The following ABTB3 variants were observed in gnomAD, a reference collection of about 807,000 sequenced individuals.
ABTB3 encodes the protein ankyrin repeat and BTB domain containing 3, also known as ankyrin repeat- and BTB/POZ domain-containing protein 3.
the ABTB3 span, chr12:107,657,880 C>T: frequency 1.5e-6 from 1 of 687,458 alleles, no homozygotes; most frequent in Non-Finnish European, 2.5e-6. Context: ...AAGGACTTTC[C>T]ACTGGTCTGC....
chr12:107,331,907 C>G, the ABTB3 span, among the ~76,000 whole-genome samples: 9 of 152,240 alleles, frequency 5.9e-5, no homozygotes, highest in Admixed American at 2.0e-4. Flanking sequence ...CACCTCTCCC[C>G]ACCTGGGTCC....
the ABTB3 span, among the ~76,000 whole-genome samples, chr12:107,336,723 A>C: frequency 0.31 from 47,402 of 152,146 alleles, 8,189 homozygotes; most frequent in African/African-American, 0.47. Flanking sequence ...GGCACATAGT[A>C]GGCACTTCAA....
the ABTB3 span, among the ~76,000 whole-genome samples, chr12:107,461,185 C>T: frequency 7.2e-5 from 11 of 152,190 alleles, no homozygotes; most frequent in South Asian, 1.5e-3. Context: ...ACAGTATGGG[C>T]GAACCCACCC....
chr12:107,405,615 C>T, the ABTB3 span, among the ~76,000 whole-genome samples: 875 of 152,370 alleles, frequency 5.7e-3, 4 homozygotes, highest in Non-Finnish European at 9.8e-3. Flanking sequence ...CTTGGAAATC[C>T]TCAAGTCTGG....
At chr12:107,600,523 T>G in the ABTB3 span, among the ~76,000 whole-genome samples, 1 of 152,204 alleles carries the variant, frequency 6.6e-6, no homozygotes, top group South Asian at 2.1e-4. Flanking sequence ...GGAGCCATAG[T>G]GTAACCCAAA....
At chr12:107,393,750 G>A in the ABTB3 span, among the ~76,000 whole-genome samples, 1 of 152,116 alleles carries the variant, frequency 6.6e-6, no homozygotes, top group African/African-American at 2.4e-5. Context: ...CTAACACGGT[G>A]AAACCCCAAC....
At chr12:107,595,640 C>T in the ABTB3 span, among the ~76,000 whole-genome samples, 1 of 152,088 alleles carries the variant, frequency 6.6e-6, no homozygotes, top group Non-Finnish European at 1.5e-5. Context: ...CACAGAGGGG[C>T]AGTGGAGTTG....
At chr12:107,417,708 G>A in the ABTB3 span, among the ~76,000 whole-genome samples, 1 of 152,208 alleles carries the variant, frequency 6.6e-6, no homozygotes, top group African/African-American at 2.4e-5. Flanking sequence ...AGATACTCTC[G>A]TTTACTGAGT....
the ABTB3 span, among the ~76,000 whole-genome samples, chr12:107,580,277 T>C: frequency 6.6e-6 from 1 of 152,222 alleles, no homozygotes; most frequent in East Asian, 1.9e-4. Flanking sequence ...CAAGTGTCAT[T>C]ATTTTTTCCA....
chr12:107,547,322 C>T, the ABTB3 span, among the ~76,000 whole-genome samples: 1 of 152,178 alleles, frequency 6.6e-6, no homozygotes, highest in Admixed American at 6.5e-5. Context: ...CAGGCTGAAA[C>T]TTCTAAAATG....
At chr12:107,544,239 C>A in the ABTB3 span, 3 of 1,279,236 alleles carry the variant, frequency 2.3e-6, no homozygotes, top group East Asian at 4.9e-5. Context: ...AAAGGACTCA[C>A]TTCCTAAAAC....
the ABTB3 span, among the ~76,000 whole-genome samples, chr12:107,375,616 G>A: frequency 7.3e-4 from 111 of 152,322 alleles, no homozygotes; most frequent in Non-Finnish European, 1.1e-3. Context: ...TTAGCAGGTA[G>A]CGCGAAGTTT....
the ABTB3 span, among the ~76,000 whole-genome samples, chr12:107,576,559 A>C: frequency 6.6e-6 from 1 of 151,810 alleles, no homozygotes; most frequent in African/African-American, 2.4e-5. Flanking sequence ...TTTTAACTTC[A>C]TTACCTCTTC....
the ABTB3 span, among the ~76,000 whole-genome samples, chr12:107,426,301 C>T: frequency 0.013 from 1,943 of 152,254 alleles, 41 homozygotes; most frequent in African/African-American, 0.044. Flanking sequence ...GGTGGACGGA[C>T]GGCAAGCCTG....
the ABTB3 span, among the ~76,000 whole-genome samples, chr12:107,549,444 T>C: frequency 6.6e-6 from 1 of 152,222 alleles, no homozygotes; most frequent in African/African-American, 2.4e-5. Flanking sequence ...ATGTTAGTTA[T>C]AGCTCTACTC....
chr12:107,369,588 A>C, the ABTB3 span, among the ~76,000 whole-genome samples: 11 of 151,514 alleles, frequency 7.3e-5, no homozygotes, highest in African/African-American at 2.7e-4. Context: ...TAAGAGAGAC[A>C]GGATTTCACC....
the ABTB3 span, among the ~76,000 whole-genome samples, chr12:107,613,449 T>A: frequency 6.6e-6 from 1 of 151,526 alleles, no homozygotes; most frequent in Admixed American, 6.6e-5. Flanking sequence ...AACCCTCCCC[T>A]CCCCCTTGCA....
chr12:107,382,188 GC>G, the ABTB3 span, among the ~76,000 whole-genome samples: 8 of 152,166 alleles, frequency 5.3e-5, no homozygotes, highest in Non-Finnish European at 8.8e-5. Context: ...TTCCATAAGG[GC>G]CCCCTGGAGG....
At chr12:107,606,038 C>T in the ABTB3 span, among the ~76,000 whole-genome samples, 13 of 152,192 alleles carry the variant, frequency 8.5e-5, no homozygotes, top group Non-Finnish European at 1.6e-4. Context: ...GGTCTGAGAG[C>T]CATCCATAGC....
Sources: allele counts gnomAD v4.1 joint callset (sites outside exome capture counted in the v4.1 genomes callset), GRCh38; gene constraint gnomAD v4.1.1; transcripts MANE v1.5; gene names NCBI Gene and HGNC (gene_info 2026-07-23, HGNC 2026-07-21).